CYTH1: variants seen among roughly 807,000 people sequenced by gnomAD.
The protein encoded by CYTH1 is cytohesin 1.
A neutral mutation model predicts 61.8 loss-of-function variants in CYTH1; 18 were observed. The ratio of observed to expected loss-of-function variants is 0.29; its 90% CI spans 0.20 to 0.43. The LOEUF (loss-of-function observed/expected upper bound fraction) is 0.43, where lower values mean the gene tolerates loss of function less well. Ranked by LOEUF, CYTH1 falls within the 20% of genes least tolerant of loss-of-function variation. The pLI is 1.00. For missense variants in CYTH1, 336 were observed against 510.5 expected, an observed-to-expected ratio of 0.66 and a Z score of 3.29; for synonymous variants, 174 against 184.3, an observed-to-expected ratio of 0.94 and a Z score of 0.45.
At chr17:78,740,901 T>A (rs1428475206) in intron 1 of CYTH1, among the ~76,000 whole-genome samples, 2 of 152,176 alleles carry the variant, frequency 1.3e-5, no homozygotes, top group Non-Finnish European at 2.9e-5. Flanking sequence ...TGGAAGCTTT[T>A]AAAAAGTTTC....
intron 3 of CYTH1, among the ~76,000 whole-genome samples, chr17:78,707,837 C>T (rs923791622): frequency 6.6e-6 from 1 of 152,166 alleles, no homozygotes; most frequent in Non-Finnish European, 1.5e-5. Context: ...TGCACCACCA[C>T]ACCCGTCTAA....
chr17:78,774,440 A>C (rs955627865), intron 1 of CYTH1, among the ~76,000 whole-genome samples: 2 of 152,208 alleles, frequency 1.3e-5, no homozygotes, highest in Non-Finnish European at 2.9e-5. Flanking sequence ...GGGGTCAAAC[A>C]TGCACAGAAG....
chr17:78,741,020 A>T (rs2093339895), intron 1 of CYTH1, among the ~76,000 whole-genome samples: 2 of 152,362 alleles, frequency 1.3e-5, no homozygotes, highest in South Asian at 4.1e-4. Context: ...AACATACAGG[A>T]GCTAGCACAG....
At chr17:78,769,039 A>G (rs1236356450) in intron 1 of CYTH1, among the ~76,000 whole-genome samples, 1 of 151,798 alleles carries the variant, frequency 6.6e-6, no homozygotes, top group Non-Finnish European at 1.5e-5. Context: ...ACAGCTACTC[A>G]GGAGGCTGAG....
intron 1 of CYTH1, among the ~76,000 whole-genome samples, chr17:78,718,607 C>T (rs1393424345): frequency 6.6e-6 from 1 of 152,204 alleles, no homozygotes; most frequent in African/African-American, 2.4e-5. Flanking sequence ...CTGCACTACC[C>T]TATGGGTGTA....
At chr17:78,727,489 C>T (rs1383023034) in intron 1 of CYTH1, among the ~76,000 whole-genome samples, 1 of 152,206 alleles carries the variant, frequency 6.6e-6, no homozygotes, top group South Asian at 2.1e-4. Context: ...TCTACCTGCA[C>T]CTCAAAATAG....
At chr17:78,775,719 ACC>A (rs1244292239) in intron 1 of CYTH1, among the ~76,000 whole-genome samples, 2 of 152,202 alleles carry the variant, frequency 1.3e-5, no homozygotes, top group Non-Finnish European at 2.9e-5. Context: ...TTGAAAACTC[ACC>A]TAAAAATTAT....
intron 4 of CYTH1, 134 bp from the exon 5 acceptor site, chr17:78,702,374 C>T: frequency 2.0e-6 from 2 of 999,100 alleles, no homozygotes; most frequent in Non-Finnish European, 3.0e-6. Flanking sequence ...ACCTATAAAG[C>T]CGGGGAGTCA....
chr17:78,767,118 T>C (rs1457903974), intron 1 of CYTH1, among the ~76,000 whole-genome samples: 6 of 152,196 alleles, frequency 3.9e-5, no homozygotes, highest in Admixed American at 3.9e-4. Context: ...ACACCTACTC[T>C]GGCATGTTCC....
intron 10 of CYTH1, among the ~76,000 whole-genome samples, chr17:78,693,165 C>T (rs1400475644): frequency 6.6e-6 from 1 of 152,190 alleles, no homozygotes; most frequent in African/African-American, 2.4e-5. Context: ...TCAACTCGTA[C>T]TGAGAGGTGG....
intron 8 of CYTH1, 76 bp from the exon 9 acceptor site, chr17:78,698,456 C>A: frequency 8.3e-7 from 1 of 1,201,562 alleles, no homozygotes; most frequent in Non-Finnish European, 1.2e-6. Flanking sequence ...TTCATTCATT[C>A]CACAAGCATT....
chr17:78,713,975 C>T (rs1291505205), intron 1 of CYTH1, among the ~76,000 whole-genome samples: 8 of 152,156 alleles, frequency 5.3e-5, no homozygotes, highest in Non-Finnish European at 1.5e-5. Flanking sequence ...CCTCTATCTT[C>T]CAAGATATTA....
chr17:78,685,351 T>TATTG (rs34137439), intron 11 of CYTH1, among the ~76,000 whole-genome samples: 32,916 of 152,018 alleles, frequency 0.22, 3,587 homozygotes, highest in South Asian at 0.26. Flanking sequence ...TCCTGATTTT[T>TATTG]ATTATTTCAC....
chr17:78,782,123 C>CA lies in CYTH1; in HGVS notation c.22+78dup, dbSNP rs944712389. 2.4e-3 allele frequency: 2,815 copies of CA among 1,185,266 alleles called. 7 individuals are homozygous for CA. Among genetic ancestry groups the CA allele is most frequent in the Non-Finnish European group, 2.8e-3 (2,648 of 943,902 alleles). 73.4% of individuals were successfully genotyped at this position (1,185,266 alleles called of 1,614,324 possible). A position where few individuals can be genotyped will look rare whatever the true frequency, so the allele number is the denominator to read the frequency against. The stretch of plus-strand genomic sequence containing the variant: ...TGTCCCCGGGAAACGCCAGCCGCCG[C>CA]AAGCGCTGCCGGACGGCCGGGCCCG... On this transcript the variant is annotated intron_variant, in intron 1 of 13. Transcript: ENST00000446868.
intron 1 of CYTH1, among the ~76,000 whole-genome samples, chr17:78,765,411 A>G (rs2093444543): frequency 6.6e-6 from 1 of 152,208 alleles, no homozygotes; most frequent in African/African-American, 2.4e-5. Flanking sequence ...AATTTCCTCC[A>G]TGCTTTGTCA....
intron 1 of CYTH1, among the ~76,000 whole-genome samples, chr17:78,759,035 C>G (rs1042454803): frequency 6.6e-6 from 1 of 150,896 alleles, no homozygotes; most frequent in Non-Finnish European, 1.5e-5. Flanking sequence ...CATAGGAGAT[C>G]GAGGTTGCAG....
chr17:78,760,545 GTATA>G lies in CYTH1; in HGVS notation c.22+21653_22+21656del, dbSNP rs1187374705. Among the ~76,000 whole-genome samples, 3 of 31,688 alleles carry G rather than the reference GTATA, an allele frequency of 9.5e-5. 1 individual carries two copies. The highest frequency in any genetic ancestry group is 1.6e-4 in the African/African-American group (1 of 6,224). The allele number at this position is 31,688 out of a possible 152,430, so 20.8% of individuals were successfully genotyped here. A position where few individuals can be genotyped will look rare whatever the true frequency, so the allele number is the denominator to read the frequency against. On this transcript the variant is annotated intron_variant, in intron 1 of 13. Transcript: ENST00000446868. ...TATATATATATACATACATATATAT[GTATA>G]TATATATGTATATATATATACACAT...
At chr17:78,690,825 GATTCTAGAATCTCGTAGC>G (rs1342439077) in intron 11 of CYTH1, among the ~76,000 whole-genome samples, 1 of 152,172 alleles carries the variant, frequency 6.6e-6, no homozygotes, top group African/African-American at 2.4e-5. Context: ...AAAACCACAA[GATTCTAGAATCTCGTAGC>G]ATTGCTATAG....
intron 1 of CYTH1, among the ~76,000 whole-genome samples, chr17:78,734,045 T>C (rs1176953345): frequency 2.7e-5 from 4 of 150,112 alleles, no homozygotes; most frequent in South Asian, 2.1e-4. Flanking sequence ...AGGTCAGGAG[T>C]TCAACACAAG....
Sources: gnomAD v4.1 joint callset for allele counts (sites outside exome capture counted in the v4.1 genomes callset) on GRCh38, gnomAD v4.1.1 for gene constraint, MANE v1.5 for transcripts, NCBI Gene and HGNC (gene_info 2026-07-23, HGNC 2026-07-21) for gene names.